IKBKB: variants seen among roughly 807,000 people sequenced by gnomAD.
IKBKB encodes inhibitor of nuclear factor kappa B kinase subunit beta.
A neutral mutation model predicts 113.6 loss-of-function variants in IKBKB; 42 were observed. The ratio of observed to expected loss-of-function variants is 0.37; its 90% CI spans 0.29 to 0.48. The LOEUF (loss-of-function observed/expected upper bound fraction) is 0.48. Ranked by LOEUF, IKBKB falls within the 20% of genes least tolerant of loss-of-function variation. The pLI is 0.99. For missense variants in IKBKB, 673 were observed against 939.7 expected (o/e 0.72, Z 3.71); for synonymous variants, 296 against 361.3 (o/e 0.82, Z 2.05).
Position 42,320,757 on chromosome 8 carries a change from T to C in IKBKB, c.1601T>C (p.Val534Ala), listed in dbSNP as rs1458233644. ...CGRENEVKLL[V>A]ERMMALQTDI... ...TAGGAGAACGAAGTGAAACTCCTGGTAGAACGGATGATGGCTCTGCAGACC... is the reference window on the plus strand; with the variant it reads ...TAGGAGAACGAAGTGAAACTCCTGGCAGAACGGATGATGGCTCTGCAGACC... The change falls in exon 16 of 22, where the codon GTA (valine) becomes GCA (alanine). Residue 534 changes from valine (V) to alanine (A), a missense_variant. By Grantham distance (64) the Val-to-Ala change is moderately conservative. This residue lies in a region of IKBKB where 506 missense variants were observed against 638.7 expected (regional missense o/e 0.79). Transcript: ENST00000520810. The C allele has an allele frequency of 6.2e-7, 1 of 1,613,116 alleles. No individual in the cohort carries two copies. The highest frequency in any genetic ancestry group is 1.1e-5 in the South Asian group (1 of 91,002).
At chr8:42,290,126 G>A (rs780886386) in intron 3 of IKBKB, 30 bp from the exon 4 acceptor site, 8 of 1,517,424 alleles carry the variant, frequency 5.3e-6, no homozygotes, top group Non-Finnish European at 7.3e-6. Context: ...AGGAGCCTGG[G>A]TCTGCTCTCA....
At chr8:42,289,220 AAGAG>A (rs1170087962) in intron 3 of IKBKB, among the ~76,000 whole-genome samples, 1 of 152,204 alleles carries the variant, frequency 6.6e-6, no homozygotes, top group Non-Finnish European at 1.5e-5. Flanking sequence ...GTCTAAAAAA[AAGAG>A]AAGAGAGTCT....
chr8:42,314,783 A>G (rs542973225), intron 9 of IKBKB, among the ~76,000 whole-genome samples: 2 of 151,788 alleles, frequency 1.3e-5, no homozygotes, highest in South Asian at 2.2e-4. Flanking sequence ...TCAAAAAAAA[A>G]AAAAAAGAAA....
chr8:42,325,807 T>G, intron 19 of IKBKB, 163 bp from the exon 20 acceptor site: 7 of 1,475,412 alleles, frequency 4.7e-6, no homozygotes, highest in Non-Finnish European at 5.4e-6. Flanking sequence ...AAGCCAGATG[T>G]GAAGCACCAG....
Position 42,316,943 on chromosome 8 carries a change from G to A in IKBKB, c.1125+39G>A. 2 of 1,579,314 alleles carry A rather than the reference G, an allele frequency of 1.3e-6. No individual in the cohort carries two copies. The highest frequency in any genetic ancestry group is 2.2e-5 in the South Asian group (2 of 89,474). On this transcript the variant is annotated intron_variant, in intron 11 of 21. Transcript: ENST00000520810. This position sits in a 1 kb window ranked among gnomAD's most constrained non-coding sequence, Gnocchi z 4.5. ...TCGTACACACCATCCTGTTTACCTT[G>A]GCTGTGCCTCCTGGGAAACTCAACA...
In IKBKB at chr8:42,272,420, GTAAAA is replaced by G. The variant is rs1367550458; in HGVS notation, c.105+220_105+224del. On this transcript the variant is annotated intron_variant, in intron 2 of 21. Transcript: ENST00000520810. ...ATTGACTATGTCACCTAAATAAATA[GTAAAA>G]TAAAGTTAAGCTCTTAGTCTCTATT... 1.1e-5 allele frequency: 7 copies of G among 614,688 alleles called. No individual in the cohort carries two copies. In the East Asian group the frequency reaches 1.9e-4, roughly 17 times the overall value. The allele number at this position is 614,688 out of a possible 1,614,324, so 38.1% of individuals were successfully genotyped here.
intron 7 of IKBKB, among the ~76,000 whole-genome samples, chr8:42,307,804 A>G (rs1288858013): frequency 1.3e-5 from 2 of 152,202 alleles, no homozygotes; most frequent in Admixed American, 6.5e-5. Context: ...ACGTCTGCCC[A>G]TAACCAGACA....
At chr8:42,290,089 G>T in intron 3 of IKBKB, 67 bp from the exon 4 acceptor site, 1 of 1,079,538 alleles carries the variant, frequency 9.3e-7, no homozygotes, top group Non-Finnish European at 1.4e-6. Context: ...CTGAGACCTG[G>T]TGGGGGTGGT....
rs535010332 is a variant in IKBKB, at chr8:42,287,980, C to T, written c.106-654C>T. Among the ~76,000 whole-genome samples the T allele has an allele frequency of 5.3e-5, 8 of 152,110 alleles. No individual in the cohort carries two copies. In the East Asian group the frequency reaches 5.8e-4, roughly 11 times the overall value. On this transcript the variant is annotated intron_variant, in intron 2 of 21. Transcript: ENST00000520810. ...TGGGTCAGCCTAATACAGCAGCAGC[C>T]GGGGTTCGGACAGGGAAACCTCTCT...
intron 5 of IKBKB, among the ~76,000 whole-genome samples, chr8:42,303,284 T>C (rs904942675): frequency 6.6e-6 from 1 of 152,210 alleles, no homozygotes; most frequent in Non-Finnish European, 1.5e-5. Flanking sequence ...GGTCATACCA[T>C]TAACTATCCC....
rs1235169704 is a variant in IKBKB, at chr8:42,321,636, C to T, written c.1689-260C>T. 5 of 423,716 alleles carry T rather than the reference C, an allele frequency of 1.2e-5. No individual in the cohort carries two copies. In the Admixed American group the frequency reaches 1.9e-4, roughly 17 times the overall value. 26.2% of individuals were successfully genotyped at this position (423,716 alleles called of 1,614,324 possible). On this transcript the variant is annotated intron_variant, in intron 16 of 21. Transcript: ENST00000520810. ...TCCCAGGCTTATGCAGTCCTCCCAT[C>T]TCAGCCTCCCAAGTAACCGGGACTA...
intron 2 of IKBKB, among the ~76,000 whole-genome samples, chr8:42,273,920 C>T (rs1212505144): frequency 1.3e-5 from 2 of 152,218 alleles, no homozygotes; most frequent in East Asian, 3.9e-4. Context: ...TATTTTGATA[C>T]ATAATGTGTA....
intron 5 of IKBKB, among the ~76,000 whole-genome samples, chr8:42,301,432 A>C (rs1384068966): frequency 1.3e-5 from 2 of 152,198 alleles, no homozygotes; most frequent in Non-Finnish European, 2.9e-5. Context: ...GATTCATTTC[A>C]CTTTAGCTCT....
At chr8:42,289,598 G>A (rs950454458) in intron 3 of IKBKB, among the ~76,000 whole-genome samples, 2 of 152,148 alleles carry the variant, frequency 1.3e-5, no homozygotes, top group African/African-American at 4.8e-5. Flanking sequence ...CAGTGAGGAG[G>A]ACACCAAGCA....
chr8:42,307,257 G>T (rs1011322843), intron 7 of IKBKB, among the ~76,000 whole-genome samples: 1 of 152,188 alleles, frequency 6.6e-6, no homozygotes, highest in Non-Finnish European at 1.5e-5. Context: ...AAGACCTGCA[G>T]GTGTGGCTGG....
intron 2 of IKBKB, among the ~76,000 whole-genome samples, chr8:42,283,677 A>T (rs970858552): frequency 2.6e-5 from 4 of 152,238 alleles, no homozygotes; most frequent in Non-Finnish European, 5.9e-5. Flanking sequence ...TAGCTCAGGG[A>T]GACCCACATC....
At chr8:42,302,636 G>T (rs889837544) in intron 5 of IKBKB, among the ~76,000 whole-genome samples, 1 of 151,924 alleles carries the variant, frequency 6.6e-6, no homozygotes, top group Non-Finnish European at 1.5e-5. Context: ...TAAGACTATT[G>T]TATAAAATTA....
chr8:42,293,819 G>A (rs1441293892), intron 5 of IKBKB, among the ~76,000 whole-genome samples: 2 of 152,170 alleles, frequency 1.3e-5, no homozygotes. Flanking sequence ...GGAATGGCCG[G>A]CGCTGGAATA....
At position 42,310,193 on chromosome 8, in the gene IKBKB, A is replaced by G. The variant is rs1817444367; in HGVS notation, c.692+1168A>G. On this transcript the variant is annotated intron_variant, in intron 8 of 21. Transcript: ENST00000520810. ...AGGATTGTTCCTTGAGAGGCCACAC[A>G]CTAGTTTAAATGATGCTACTCTGCT... Among the ~76,000 whole-genome samples the G allele has an allele frequency of 1.3e-5, 2 of 152,228 alleles. 1 individual carries two copies. Among genetic ancestry groups the G allele is most frequent in the Admixed American group, 1.3e-4 (2 of 15,290 alleles).
Sources: allele counts gnomAD v4.1 joint callset (sites outside exome capture counted in the v4.1 genomes callset), GRCh38; gene constraint gnomAD v4.1.1; regional missense constraint gnomAD v4.1.1; non-coding constraint Gnocchi (gnomAD v3.1); transcripts MANE v1.5; gene names NCBI Gene and HGNC (gene_info 2026-07-23, HGNC 2026-07-21).